HMBOX1: variants seen among roughly 807,000 people sequenced by gnomAD.
HMBOX1 encodes the protein homeobox containing 1, also known as homeobox-containing protein 1.
A neutral mutation model predicts 54.5 loss-of-function variants in HMBOX1; 14 were observed. That is an observed-to-expected ratio of 0.26 (90% confidence interval 0.17 to 0.40). The LOEUF (loss-of-function observed/expected upper bound fraction) is 0.40, where lower values mean the gene tolerates loss of function less well. HMBOX1 is among the 10% of genes least tolerant of loss of function. The probability of loss-of-function intolerance (pLI) is 1.00; values close to 1 mark genes in which losing one functional copy is unlikely to be tolerated. For missense variants in HMBOX1, 332 were observed against 514.4 expected, an observed-to-expected ratio of 0.65 and a Z score of 3.43; for synonymous variants, 160 against 181.0, an observed-to-expected ratio of 0.88 and a Z score of 0.93.
intron 6 of HMBOX1, among the ~76,000 whole-genome samples, chr8:29,033,533 A>G (rs1008741655): frequency 6.6e-6 from 1 of 152,222 alleles, no homozygotes; most frequent in African/African-American, 2.4e-5. Context: ...CTGTGCTTAA[A>G]TGTATTTTAA....
At chr8:28,964,602 A>G (rs1826135185) in intron 2 of HMBOX1, among the ~76,000 whole-genome samples, 1 of 152,180 alleles carries the variant, frequency 6.6e-6, no homozygotes, top group South Asian at 2.1e-4. Flanking sequence ...AGTATTTTCT[A>G]AAATTTGATG....
chr8:29,050,740 A>G, intron 9 of HMBOX1: 1 of 411,020 alleles, frequency 2.4e-6, no homozygotes. Flanking sequence ...TTTGATCATC[A>G]TCACCAGCAA....
intron 1 of HMBOX1, among the ~76,000 whole-genome samples, chr8:28,911,089 A>G (rs1371955373): frequency 6.6e-6 from 1 of 152,238 alleles, no homozygotes; most frequent in Non-Finnish European, 1.5e-5. Context: ...ACAGAACATC[A>G]TCTTTTACTG....
intron 1 of HMBOX1, among the ~76,000 whole-genome samples, chr8:28,951,217 C>G (rs1348289304): frequency 6.6e-6 from 1 of 152,224 alleles, no homozygotes; most frequent in Non-Finnish European, 1.5e-5. Context: ...ACTGCACCCT[C>G]CACCTCCTGG....
intron 1 of HMBOX1, among the ~76,000 whole-genome samples, chr8:28,922,723 A>G (rs759994394): frequency 2.6e-5 from 4 of 152,158 alleles, no homozygotes; most frequent in African/African-American, 4.8e-5. Context: ...GAGACTTTGA[A>G]CACATTAAGT....
chr8:28,925,406 T>C (rs537095058), intron 1 of HMBOX1, among the ~76,000 whole-genome samples: 1 of 152,222 alleles, frequency 6.6e-6, no homozygotes, highest in Non-Finnish European at 1.5e-5. Context: ...TTTTGTTCTT[T>C]TTAAATGGCA....
intron 1 of HMBOX1, among the ~76,000 whole-genome samples, chr8:28,894,840 G>C (rs183064845): frequency 1.2e-4 from 18 of 151,948 alleles, no homozygotes; most frequent in Non-Finnish European, 1.9e-4. Flanking sequence ...TACCCTTATA[G>C]TGGTAATAAA....
intron 6 of HMBOX1, among the ~76,000 whole-genome samples, chr8:29,038,794 A>C (rs1804346778): frequency 6.6e-6 from 1 of 152,178 alleles, no homozygotes; most frequent in African/African-American, 2.4e-5. Context: ...CTACAAAAAT[A>C]AGTTTGATCT....
At chr8:28,987,844 G>A (rs570457273) in intron 4 of HMBOX1, among the ~76,000 whole-genome samples, 13 of 152,134 alleles carry the variant, frequency 8.5e-5, no homozygotes, top group African/African-American at 2.9e-4. Flanking sequence ...ATGTCAGACT[G>A]TGTCAACTTC....
intron 1 of HMBOX1, among the ~76,000 whole-genome samples, chr8:28,893,362 C>T (rs182332895): frequency 9.2e-4 from 140 of 152,258 alleles, no homozygotes; most frequent in Middle Eastern, 6.8e-3. Context: ...AATTTCATCC[C>T]GTAACTGTGA....
chr8:28,973,654 G>A (rs1167528369), intron 3 of HMBOX1, among the ~76,000 whole-genome samples: 1 of 151,984 alleles, frequency 6.6e-6, no homozygotes. Flanking sequence ...CTGGGTATCT[G>A]AATGCTTTCC....
intron 1 of HMBOX1, among the ~76,000 whole-genome samples, chr8:28,945,740 A>C (rs959095442): frequency 6.6e-6 from 1 of 152,118 alleles, no homozygotes; most frequent in Non-Finnish European, 1.5e-5. Flanking sequence ...GATATGACAC[A>C]ACATAAAGTA....
chr8:28,961,721 G>T (rs1306827748), intron 1 of HMBOX1, among the ~76,000 whole-genome samples: 1 of 151,922 alleles, frequency 6.6e-6, no homozygotes, highest in African/African-American at 2.4e-5. Context: ...GGATCATATG[G>T]TAATTCTGTA....
chr8:28,920,976 A>G (rs575890532), intron 1 of HMBOX1, among the ~76,000 whole-genome samples: 1 of 152,374 alleles, frequency 6.6e-6, no homozygotes, highest in African/African-American at 2.4e-5. Context: ...AGTGGTACTA[A>G]ATGCACTATA....
intron 1 of HMBOX1, among the ~76,000 whole-genome samples, chr8:28,946,922 T>G (rs902145032): frequency 2.0e-5 from 3 of 152,206 alleles, no homozygotes; most frequent in Non-Finnish European, 4.4e-5. Flanking sequence ...AGCTTGTCAG[T>G]AGGTATCTGA....
At chr8:28,908,770 A>G (rs1019697030) in intron 1 of HMBOX1, among the ~76,000 whole-genome samples, 2 of 152,098 alleles carry the variant, frequency 1.3e-5, no homozygotes, top group African/African-American at 4.8e-5. Flanking sequence ...TGTCTTAAAA[A>G]AAAACCTGGG....
intron 1 of HMBOX1, among the ~76,000 whole-genome samples, chr8:28,945,839 G>T (rs1461200338): frequency 6.7e-6 from 1 of 150,140 alleles, no homozygotes; most frequent in African/African-American, 2.5e-5. Context: ...ACTTTAATAA[G>T]ATACAATTCA....
intron 1 of HMBOX1, among the ~76,000 whole-genome samples, chr8:28,922,271 C>T (rs949858368): frequency 2.0e-5 from 3 of 152,078 alleles, no homozygotes; most frequent in Admixed American, 2.0e-4. Context: ...TTAAAGTACA[C>T]CAGAGGTTGT....
intron 5 of HMBOX1, among the ~76,000 whole-genome samples, chr8:29,018,018 CATA>C (rs760501928): frequency 3.3e-5 from 5 of 152,204 alleles, no homozygotes; most frequent in Admixed American, 6.5e-5. Flanking sequence ...CCGATATGAT[CATA>C]ATTATGTTTT....
Sources: allele counts gnomAD v4.1 joint callset (sites outside exome capture counted in the v4.1 genomes callset), GRCh38; gene constraint gnomAD v4.1.1; transcripts MANE v1.5; gene names NCBI Gene and HGNC (gene_info 2026-07-23, HGNC 2026-07-21).